Variants in SPIRE1 observed in about 807,000 individuals in gnomAD.
SPIRE1 encodes the protein protein spire homolog 1.
In SPIRE1, 40 loss-of-function variants were observed where a neutral mutation model predicts 94.1. The ratio of observed to expected loss-of-function variants is 0.43; its 90% CI spans 0.33 to 0.55. The LOEUF (loss-of-function observed/expected upper bound fraction) is 0.55, where lower values mean the gene tolerates loss of function less well. SPIRE1 is among the 20% of genes least tolerant of loss of function. The pLI is 0.06. For missense variants in SPIRE1, 838 were observed against 975.2 expected (o/e 0.86, Z 1.87); for synonymous variants, 376 against 371.7 (o/e 1.01, Z -0.13).
chr18:12,461,559 G>A (rs886761453), intron 12 of SPIRE1, among the ~76,000 whole-genome samples: 3 of 141,384 alleles, frequency 2.1e-5, no homozygotes, highest in Non-Finnish European at 3.0e-5. Context: ...ACATACATGC[G>A]TGTATATGTA....
intron 2 of SPIRE1, among the ~76,000 whole-genome samples, chr18:12,623,069 A>G (rs1420074788): frequency 2.0e-5 from 3 of 152,222 alleles, no homozygotes; most frequent in Non-Finnish European, 4.4e-5. Flanking sequence ...AAAATACTCT[A>G]AACAGCCACT....
intron 2 of SPIRE1, among the ~76,000 whole-genome samples, chr18:12,594,512 A>G (rs1016170786): frequency 2.6e-5 from 4 of 152,242 alleles, no homozygotes; most frequent in African/African-American, 9.6e-5. Flanking sequence ...ACAAACCACT[A>G]TGTCCACATG....
Position 12,497,920 on chromosome 18 carries a change from A to G in SPIRE1, c.973-1818T>C, listed in dbSNP as rs1264982409. ...TACGTTCCATTCCCAAAACAAGCAC[A>G]TTAACTGTAGTCTCCTCAGTAGTCA... On this transcript the variant is annotated intron_variant, in intron 6 of 16. Coordinates refer to ENST00000409402, the MANE Select transcript of SPIRE1 (RefSeq NM_001128626.2). Among the ~76,000 whole-genome samples the G allele has an allele frequency of 2.6e-5, 4 of 152,170 alleles. No homozygotes were observed. In the East Asian group the frequency reaches 7.7e-4, roughly 29 times the overall value.
At chr18:12,548,859 C>T (rs9966118) in intron 2 of SPIRE1, among the ~76,000 whole-genome samples, 12,343 of 152,194 alleles carry the variant, frequency 0.081, 648 homozygotes, top group Middle Eastern at 0.16. Context: ...AAGCAATGGG[C>T]CTGCCTCGGC....
chr18:12,501,096 GA>G (rs1180397548), intron 6 of SPIRE1, among the ~76,000 whole-genome samples: 18 of 89,626 alleles, frequency 2.0e-4, no homozygotes, highest in Admixed American at 3.4e-4. Flanking sequence ...AAAAAAAAAA[GA>G]AAAAAAAAAA....
intron 2 of SPIRE1, among the ~76,000 whole-genome samples, chr18:12,578,907 C>T (rs764090784): frequency 2.6e-5 from 4 of 152,054 alleles, no homozygotes; most frequent in Admixed American, 1.3e-4. Context: ...ATAAGTAAGC[C>T]TCACAGTAAA....
chr18:12,589,142 C>T (rs912998065), intron 2 of SPIRE1, among the ~76,000 whole-genome samples: 1 of 152,048 alleles, frequency 6.6e-6, no homozygotes, highest in Non-Finnish European at 1.5e-5. Flanking sequence ...ATTTCTCATA[C>T]AATACTATTA....
At chr18:12,452,424 T>A (rs765397535) in intron 15 of SPIRE1, 33 bp from the exon 16 acceptor site, 30 of 1,614,030 alleles carry the variant, frequency 1.9e-5, no homozygotes, top group African/African-American at 4.0e-5. Context: ...CAATGAGCAG[T>A]ACCGTTAAAG....
At position 12,576,944 on chromosome 18, in the gene SPIRE1, C is replaced by T. The variant is rs370578531; in HGVS notation, c.373-30040G>A. Among the ~76,000 whole-genome samples the T allele has an allele frequency of 4.2e-4, 62 of 146,460 alleles. 1 individual carries two copies. The South Asian group carries it at 0.013, about 30-fold the overall frequency. Reference sequence around the variant, plus strand: ...TAACAGTCATCAACACTGTTTAATACTGGCCTGGCCTAAGGGTCAACAGGT... The same window carrying T: ...TAACAGTCATCAACACTGTTTAATATTGGCCTGGCCTAAGGGTCAACAGGT... On this transcript the variant is annotated intron_variant, in intron 2 of 16. Transcript: ENST00000409402.
intron 9 of SPIRE1, among the ~76,000 whole-genome samples, chr18:12,484,636 CATTTAAAAGA>C: frequency 6.6e-6 from 1 of 152,168 alleles, no homozygotes; most frequent in Non-Finnish European, 1.5e-5. Flanking sequence ...CATTCTATGG[CATTTAAAAGA>C]AAATCCCAAA....
intron 12 of SPIRE1, among the ~76,000 whole-genome samples, chr18:12,455,604 T>C (rs2031470780): frequency 1.3e-5 from 2 of 152,206 alleles, no homozygotes; most frequent in Non-Finnish European, 2.9e-5. Flanking sequence ...TCTCATTGAA[T>C]AAGAGCCTCA....
intron 12 of SPIRE1, among the ~76,000 whole-genome samples, chr18:12,457,534 G>A (rs2031569682): frequency 6.6e-6 from 1 of 152,124 alleles, no homozygotes; most frequent in Admixed American, 6.5e-5. Flanking sequence ...GATGTGGCCG[G>A]GTAAAGAACC....
chr18:12,494,838 C>CAAAA (rs71172091), intron 7 of SPIRE1, among the ~76,000 whole-genome samples: 2,361 of 31,934 alleles, frequency 0.074, 227 homozygotes, highest in Middle Eastern at 0.12. Context: ...GACTCCATCT[C>CAAAA]AAAAAAAAAA....
At chr18:12,615,345 A>AAAAAAAAAAAAATATAT in intron 2 of SPIRE1, among the ~76,000 whole-genome samples, 4 of 17,244 alleles carry the variant, frequency 2.3e-4, no homozygotes, top group Non-Finnish European at 3.7e-4. Context: ...AAAAAAAAAA[A>AAAAAAAAAAAAATATAT]ATATATATAT....
chr18:12,563,687 G>C (rs1269603853), intron 2 of SPIRE1, among the ~76,000 whole-genome samples: 1 of 151,946 alleles, frequency 6.6e-6, no homozygotes, highest in Non-Finnish European at 1.5e-5. Context: ...TAATCCCTTA[G>C]ATCTTTAGAA....
At chr18:12,530,235 C>T (rs1474866844) in intron 4 of SPIRE1, among the ~76,000 whole-genome samples, 1 of 152,104 alleles carries the variant, frequency 6.6e-6, no homozygotes, top group Non-Finnish European at 1.5e-5. Flanking sequence ...ACTTTGCCTA[C>T]AACGTAAGAC....
In SPIRE1 at chr18:12,548,548, G is replaced by C. The variant is rs2035238623; in HGVS notation, c.373-1644C>G. On this transcript the variant is annotated intron_variant, in intron 2 of 16. Coordinates refer to ENST00000409402, the MANE Select transcript of SPIRE1 (RefSeq NM_001128626.2). Reference sequence around the variant, plus strand: ...TTAAAATATTTTTTACTGAAAACATGTAATATTTTCACTGGATTTACAGTC... The same window carrying C: ...TTAAAATATTTTTTACTGAAAACATCTAATATTTTCACTGGATTTACAGTC... Among the ~76,000 whole-genome samples the C allele has an allele frequency of 2.0e-5, 3 of 150,704 alleles. No individual in the cohort carries two copies. The South Asian group carries it at 6.3e-4, about 31-fold the overall frequency.
intron 7 of SPIRE1, among the ~76,000 whole-genome samples, chr18:12,495,183 T>C (rs2033412431): frequency 6.6e-6 from 1 of 152,220 alleles, no homozygotes; most frequent in Non-Finnish European, 1.5e-5. Flanking sequence ...TTACTTTATG[T>C]ACACTGTTTT....
rs753847935 is a variant in SPIRE1, at chr18:12,452,394, A to G, written c.1876-3T>C. 1.9e-6 allele frequency: 3 copies of G among 1,614,208 alleles called. No individual in the cohort carries two copies. Among genetic ancestry groups the G allele is most frequent in the East Asian group, 4.5e-5 (2 of 44,890 alleles). The stretch of plus-strand genomic sequence containing the variant: ...TATGGTTTGGAGGGCAGCCGCATCT[A>G]TTATCCCAAATAAAACTGGCAATGA... On this transcript the variant is annotated splice_polypyrimidine_tract_variant and splice_region_variant and intron_variant, in intron 15 of 16. Transcript: ENST00000409402.
Sources: allele counts gnomAD v4.1 joint callset (sites outside exome capture counted in the v4.1 genomes callset), GRCh38; gene constraint gnomAD v4.1.1; transcripts MANE v1.5; gene names NCBI Gene and HGNC (gene_info 2026-07-23, HGNC 2026-07-21).